Variants in PARVB observed in about 807,000 individuals in gnomAD.
PARVB encodes parvin beta.
PARVB carries 46 observed loss-of-function variants against 47.0 expected under a neutral mutation model. The ratio of observed to expected loss-of-function variants is 0.98; its 90% CI spans 0.77 to 1.25. The LOEUF (loss-of-function observed/expected upper bound fraction) is 1.25. Ranked by LOEUF, PARVB falls within the 50% of genes most tolerant of loss-of-function variation. The pLI is 0.00. For synonymous variants in PARVB, 196 were observed against 196.3 expected, an observed-to-expected ratio of 1.00 and a Z score of 0.01; for missense variants, 473 against 471.6, an observed-to-expected ratio of 1.00 and a Z score of -0.03.
chr22:44,159,583 C>T (rs920365234), intron 11 of PARVB, among the ~76,000 whole-genome samples: 4 of 152,202 alleles, frequency 2.6e-5, no homozygotes, highest in African/African-American at 9.7e-5. Flanking sequence ...TGTGGCTCTG[C>T]GGGTGGCTGG....
In PARVB at chr22:44,037,378, G is replaced by A. The variant is rs571503209; in HGVS notation, c.112+12927G>A. ...GTGGAGGTTGCGGTGAGCTGAGATCGTGCCACTTTGCTCCAGCCTGGATGA... is the reference window on the plus strand; with the variant it reads ...GTGGAGGTTGCGGTGAGCTGAGATCATGCCACTTTGCTCCAGCCTGGATGA... On this transcript the variant is annotated intron_variant, in intron 1 of 12. Transcript: ENST00000338758. Among the ~76,000 whole-genome samples the A allele has an allele frequency of 2.6e-5, 4 of 152,256 alleles. No homozygotes were observed. The South Asian group carries it at 8.3e-4, about 32-fold the overall frequency.
chr22:44,050,275 G>A (rs2146936486), intron 1 of PARVB, among the ~76,000 whole-genome samples: 1 of 152,118 alleles, frequency 6.6e-6, no homozygotes, highest in South Asian at 2.1e-4. Flanking sequence ...TAGATTTGAG[G>A]TATGTTTGTT....
At chr22:44,102,357 A>G (rs139970610) in intron 3 of PARVB, among the ~76,000 whole-genome samples, 18 of 152,350 alleles carry the variant, frequency 1.2e-4, no homozygotes, top group African/African-American at 2.4e-4. Context: ...TTCATTGGCT[A>G]TCTGGGCACC....
intron 1 of PARVB, among the ~76,000 whole-genome samples, chr22:44,052,917 T>C (rs2051237738): frequency 6.6e-6 from 1 of 152,076 alleles, no homozygotes; most frequent in African/African-American, 2.4e-5. Context: ...CACCCCAGCC[T>C]GGGAGACAGA....
intron 7 of PARVB, among the ~76,000 whole-genome samples, chr22:44,137,242 G>A (rs1475354928): frequency 6.6e-6 from 1 of 152,220 alleles, no homozygotes; most frequent in East Asian, 1.9e-4. Flanking sequence ...GAAACCACTC[G>A]TGGCTTGCAA....
chr22:44,020,334 AC>A (rs1471544469), upstream of PARVB, among the ~76,000 whole-genome samples: 1 of 151,850 alleles, frequency 6.6e-6, no homozygotes, highest in Non-Finnish European at 1.5e-5. Context: ...ATGCCATTAC[AC>A]CCAGCTAATT....
chr22:44,023,706 T>C (rs1294021046), upstream of PARVB, among the ~76,000 whole-genome samples: 1 of 152,084 alleles, frequency 6.6e-6, no homozygotes, highest in Non-Finnish European at 1.5e-5. Context: ...CACCCCACAC[T>C]GTCCCCAGGG....
chr22:44,082,389 C>T lies in PARVB; in HGVS notation c.113-11539C>T, dbSNP rs575261209. On this transcript the variant is annotated intron_variant, in intron 1 of 12. Coordinates refer to ENST00000338758, the MANE Select transcript of PARVB (RefSeq NM_013327.5). ...CAAAAATTAGCTGGGTGTGGTGGTG[C>T]ACACTTGTAATCCCAGCTACTCAGG... 4.9e-4 allele frequency among the ~76,000 whole-genome samples: 74 copies of T among 152,152 alleles called. No homozygotes were observed. In the South Asian group the frequency reaches 5.8e-3, roughly 12 times the overall value.
At chr22:44,072,784 T>C (rs914664860) in intron 1 of PARVB, among the ~76,000 whole-genome samples, 1 of 152,158 alleles carries the variant, frequency 6.6e-6, no homozygotes, top group African/African-American at 2.4e-5. Flanking sequence ...GACATCTTCC[T>C]GCTACAGGAT....
intron 10 of PARVB, 162 bp downstream of exon 10, chr22:44,151,713 C>T (rs1601688722): frequency 3.3e-6 from 2 of 598,936 alleles, no homozygotes; most frequent in East Asian, 5.7e-5. Context: ...TTCTCAGCCC[C>T]TCTGTCTTCC....
chr22:44,158,664 C>T (rs902862555), intron 11 of PARVB, among the ~76,000 whole-genome samples: 1 of 152,184 alleles, frequency 6.6e-6, no homozygotes, highest in Non-Finnish European at 1.5e-5. Flanking sequence ...TCTGGGCTGG[C>T]CCACGCCACC....
At chr22:44,132,503 G>A (rs2053350244) in intron 5 of PARVB, among the ~76,000 whole-genome samples, 1 of 152,172 alleles carries the variant, frequency 6.6e-6, no homozygotes, top group African/African-American at 2.4e-5. Flanking sequence ...TCATTGCGGA[G>A]AGGGAGCCCT....
chr22:44,117,392 TG>T (rs1004944258), intron 3 of PARVB, among the ~76,000 whole-genome samples: 4 of 85,312 alleles, frequency 4.7e-5, no homozygotes, highest in African/African-American at 8.7e-5. Context: ...CCATGGGGGG[TG>T]GGGGAGGCAG....
chr22:44,108,252 T>A (rs539008914), intron 3 of PARVB: 18 of 152,348 alleles, frequency 1.2e-4, no homozygotes, highest in African/African-American at 4.3e-4. Flanking sequence ...CTGTGTGTTC[T>A]GCCAAATCAC....
rs570925299 is a variant in PARVB at position 44,073,794 on chromosome 22, G to T, written c.113-20134G>T. 1.3e-3 allele frequency among the ~76,000 whole-genome samples: 199 copies of T among 152,380 alleles called. 1 individual carries two copies. The highest frequency in any genetic ancestry group is 2.5e-3 in the Non-Finnish European group (167 of 68,042). ...AGGCAGCGGTTCTGGGACCAGCTCTGGGGCCACCTGCTTTTCCCACACTGG... is the reference window on the plus strand; with the variant it reads ...AGGCAGCGGTTCTGGGACCAGCTCTTGGGCCACCTGCTTTTCCCACACTGG... On this transcript the variant is annotated intron_variant, in intron 1 of 12. Coordinates refer to ENST00000338758, the MANE Select transcript of PARVB (RefSeq NM_013327.5).
chr22:44,112,827 CCAACA>C, intron 3 of PARVB: 1 of 126,666 alleles, frequency 7.9e-6, no homozygotes, highest in East Asian at 2.9e-4. Flanking sequence ...AGGCCCTGCA[CCAACA>C]CAGATACGTT....
At chr22:44,104,406 C>T (rs1449373467) in intron 3 of PARVB, 4 of 152,358 alleles carry the variant, frequency 2.6e-5, no homozygotes, top group African/African-American at 4.8e-5. Context: ...GGCACAGAGG[C>T]GATATACGTT....
At chr22:44,126,923 C>A (rs911569686) in intron 4 of PARVB, among the ~76,000 whole-genome samples, 2 of 152,200 alleles carry the variant, frequency 1.3e-5, no homozygotes, top group Non-Finnish European at 2.9e-5. Context: ...CCGTGGTTGC[C>A]TGTAAACCAT....
chr22:44,124,118 G>A (rs1018683842), intron 4 of PARVB, among the ~76,000 whole-genome samples: 25 of 152,212 alleles, frequency 1.6e-4, no homozygotes, highest in Non-Finnish European at 3.2e-4. Context: ...CATTACCTAT[G>A]AAGATTGTGG....
Sources: allele counts gnomAD v4.1 joint callset (sites outside exome capture counted in the v4.1 genomes callset), GRCh38; gene constraint gnomAD v4.1.1; transcripts MANE v1.5; gene names NCBI Gene and HGNC (gene_info 2026-07-23, HGNC 2026-07-21).